Variants in ZMPSTE24 observed in about 807,000 individuals in gnomAD.
ZMPSTE24 encodes the protein CAAX prenyl protease 1 homolog.
ZMPSTE24 carries 48 observed loss-of-function variants against 56.7 expected under a neutral mutation model. That is an observed-to-expected ratio of 0.85 (90% CI 0.67 to 1.08). The LOEUF (loss-of-function observed/expected upper bound fraction) is 1.08, where lower values mean the gene tolerates loss of function less well. Ranked by LOEUF, ZMPSTE24 falls within the 50% of genes least tolerant of loss-of-function variation. ZMPSTE24 has a pLI of 0.00. For synonymous variants in ZMPSTE24, 172 were observed against 195.2 expected, an observed-to-expected ratio of 0.88 and a Z score of 0.99; for missense variants, 503 against 548.7, an observed-to-expected ratio of 0.92 and a Z score of 0.83.
chr1:40,266,758 CAA>C (rs1643552410), intron 2 of ZMPSTE24, among the ~76,000 whole-genome samples: 1 of 126,582 alleles, frequency 7.9e-6, no homozygotes, highest in Non-Finnish European at 1.7e-5. Flanking sequence ...GGATTTCGAA[CAA>C]GTTTTTTTTT....
At chr1:40,290,317 G>A (rs1040986050) in intron 8 of ZMPSTE24, among the ~76,000 whole-genome samples, 4 of 151,064 alleles carry the variant, frequency 2.6e-5, no homozygotes, top group Non-Finnish European at 5.9e-5. Flanking sequence ...CATGGGAGGC[G>A]GAGCTTGCAG....
intron 7 of ZMPSTE24, among the ~76,000 whole-genome samples, chr1:40,283,010 A>G (rs1360016727): frequency 1.3e-5 from 2 of 152,200 alleles, no homozygotes; most frequent in African/African-American, 2.4e-5. Context: ...AGTACCAGAA[A>G]ATGATTAGCA....
intron 2 of ZMPSTE24, among the ~76,000 whole-genome samples, chr1:40,263,389 G>A (rs1277030449): frequency 6.6e-6 from 1 of 152,208 alleles, no homozygotes; most frequent in Non-Finnish European, 1.5e-5. Context: ...TCTTATGAAT[G>A]AGGAAGCAAA....
chr1:40,261,108 T>C (rs1643492734), intron 2 of ZMPSTE24, 123 bp downstream of exon 2: 3 of 1,232,352 alleles, frequency 2.4e-6, no homozygotes, highest in South Asian at 2.4e-5. Context: ...TTGTTATTGA[T>C]AGTAACGGCT....
Position 40,272,042 on chromosome 1 carries a change from C to G in ZMPSTE24, c.769+7C>G. On this transcript the variant is annotated splice_region_variant and intron_variant, in intron 6 of 9. Coordinates refer to ENST00000372759, the MANE Select transcript of ZMPSTE24 (RefSeq NM_005857.5). The stretch of plus-strand genomic sequence containing the variant: ...AAGGTGTATGTTGTGGAAGGTAAGG[C>G]TACCTGGGGATAAGAAAGTTTTATC... 1 of 1,593,826 alleles carries G rather than the reference C, an allele frequency of 6.3e-7. No homozygotes were observed. Among genetic ancestry groups the G allele is most frequent in the Non-Finnish European group, 8.5e-7 (1 of 1,169,990 alleles).
Position 40,281,328 on chromosome 1 carries a change from C to G in ZMPSTE24, c.770-15C>G, listed in dbSNP as rs748307625. 4.3e-6 allele frequency: 7 copies of G among 1,613,642 alleles called. No homozygotes were observed. The East Asian group carries it at 1.6e-4, about 36-fold the overall frequency. The stretch of plus-strand genomic sequence containing the variant: ...TTTTAATTATATTCCATGCTTTGAA[C>G]TGTCTTTTCCTTAGGATCTAAACGC... On this transcript the variant is annotated splice_polypyrimidine_tract_variant and intron_variant, in intron 6 of 9. Transcript: ENST00000372759.
chr1:40,261,214 C>A (rs543440743), intron 2 of ZMPSTE24, among the ~76,000 whole-genome samples: 2 of 152,312 alleles, frequency 1.3e-5, no homozygotes, highest in East Asian at 3.9e-4. Flanking sequence ...AAAAGATCCT[C>A]TTCCATTAGG....
At chr1:40,280,549 C>T (rs1480702256) in intron 6 of ZMPSTE24, among the ~76,000 whole-genome samples, 1 of 152,006 alleles carries the variant, frequency 6.6e-6, no homozygotes, top group Non-Finnish European at 1.5e-5. Context: ...CTCAGCCCCA[C>T]GTGTAGCTGG....
At chr1:40,273,739 A>G (rs2124584693) in intron 6 of ZMPSTE24, among the ~76,000 whole-genome samples, 1 of 150,630 alleles carries the variant, frequency 6.6e-6, no homozygotes, top group East Asian at 1.9e-4. Context: ...AAATTTAATC[A>G]TTAATCAGTA....
intron 6 of ZMPSTE24, among the ~76,000 whole-genome samples, chr1:40,273,535 AAAATATATATATATATATAT>A (rs1274720765): frequency 2.2e-5 from 1 of 45,488 alleles, no homozygotes; most frequent in Non-Finnish European, 3.8e-5. Flanking sequence ...AAAAAAAAAA[AAAATATATATATATATATAT>A]ATATATATAT....
At chr1:40,283,605 T>G (rs1339174638) in intron 7 of ZMPSTE24, among the ~76,000 whole-genome samples, 1 of 152,218 alleles carries the variant, frequency 6.6e-6, no homozygotes, top group African/African-American at 2.4e-5. Context: ...TTCAGTGTTC[T>G]AAAATTTCAC....
chr1:40,282,231 AT>A (rs1265619457), intron 7 of ZMPSTE24, among the ~76,000 whole-genome samples: 5 of 152,238 alleles, frequency 3.3e-5, no homozygotes, highest in African/African-American at 1.2e-4. Flanking sequence ...AAGAAAAGAC[AT>A]TTCTCAAATC....
rs1011812164 is a variant in ZMPSTE24 at position 40,293,570 on chromosome 1, A to T, written c.*901A>T. On this transcript the variant is annotated 3_prime_UTR_variant, in exon 10 of 10. Transcript: ENST00000372759. Reference sequence around the variant, plus strand: ...ATTTTTTAAGCGACATAAGGATGAAATACTGATGAATCTCTGTGACATTAC... The same window carrying T: ...ATTTTTTAAGCGACATAAGGATGAATTACTGATGAATCTCTGTGACATTAC... 6 of 152,218 alleles carry T rather than the reference A, an allele frequency of 3.9e-5. No individual in the cohort carries two copies. The highest frequency in any genetic ancestry group is 8.8e-5 in the Non-Finnish European group (6 of 68,042). The allele number at this position is 152,218 out of a possible 1,614,324, so 9.4% of individuals were successfully genotyped here.
At chr1:40,277,685 G>A (rs1172332075) in intron 6 of ZMPSTE24, among the ~76,000 whole-genome samples, 2 of 151,980 alleles carry the variant, frequency 1.3e-5, no homozygotes, top group Admixed American at 6.6e-5. Context: ...TTTAGGATTA[G>A]CAGCCAGGCG....
intron 9 of ZMPSTE24, 111 bp from the exon 10 acceptor site, chr1:40,292,334 C>T: frequency 1.0e-6 from 1 of 977,194 alleles, no homozygotes; most frequent in Admixed American, 1.9e-5. Context: ...TTCTTTTGTC[C>T]TGCCATTCCT....
chr1:40,278,048 A>C (rs1471282697), intron 6 of ZMPSTE24, among the ~76,000 whole-genome samples: 1 of 152,012 alleles, frequency 6.6e-6, no homozygotes, highest in African/African-American at 2.4e-5. Context: ...TAACACAGAC[A>C]AAATAAGCAA....
chr1:40,258,501 G>T (rs1048399637), intron 1 of ZMPSTE24, 107 bp downstream of exon 1: 1 of 1,576,706 alleles, frequency 6.3e-7, no homozygotes, highest in Non-Finnish European at 8.6e-7. Flanking sequence ...CGCCAGTCTC[G>T]TCTTTGTGGT....
At chr1:40,258,768 A>C (rs1248758686) in intron 1 of ZMPSTE24, among the ~76,000 whole-genome samples, 3 of 152,116 alleles carry the variant, frequency 2.0e-5, no homozygotes, top group Non-Finnish European at 2.9e-5. Context: ...AATCATGCCT[A>C]ACCATAGGAT....
intron 6 of ZMPSTE24, among the ~76,000 whole-genome samples, chr1:40,277,586 T>C (rs1643683002): frequency 6.6e-6 from 1 of 152,080 alleles, no homozygotes; most frequent in Admixed American, 6.6e-5. Flanking sequence ...AAGACATTAA[T>C]TTACTTTTAT....
Sources: allele counts gnomAD v4.1 joint callset (sites outside exome capture counted in the v4.1 genomes callset), GRCh38; gene constraint gnomAD v4.1.1; transcripts MANE v1.5; gene names NCBI Gene and HGNC (gene_info 2026-07-23, HGNC 2026-07-21).